The following IGSF9B variants were observed in gnomAD, a reference collection of about 807,000 sequenced individuals.
IGSF9B encodes the protein protein turtle homolog B.
Under a neutral mutation model 143.7 loss-of-function variants are expected in IGSF9B, and 48 were observed. That is an observed-to-expected ratio of 0.33 (90% CI 0.26 to 0.42). IGSF9B has a LOEUF of 0.42. IGSF9B is among the 20% of genes least tolerant of loss of function. The pLI is 1.00. For missense variants in IGSF9B, 1,706 were observed against 1,980.0 expected (o/e 0.86, Z 2.63); for synonymous variants, 903 against 833.1 (o/e 1.08, Z -1.44).
Position 133,922,177 on chromosome 11 carries a change from G to C in IGSF9B, c.2327C>G (p.Pro776Arg). The C allele has an allele frequency of 6.2e-7, 1 of 1,612,906 alleles. No individual in the cohort carries two copies. Among genetic ancestry groups the C allele is most frequent in the Non-Finnish European group, 8.5e-7 (1 of 1,179,264 alleles). Reference sequence around the variant, plus strand: ...TTCTCCCAGGATCTGAGACACTTACGGAGACTCCAGGCTCTTCCTGCAGTG... The same window carrying C: ...TTCTCCCAGGATCTGAGACACTTACCGAGACTCCAGGCTCTTCCTGCAGTG... ...ITHCRKSLES[P>R]LSSGKVSPES... is the part of the protein sequence containing the mutation. Residue 776 changes from proline to arginine, a missense_variant and splice_region_variant, in exon 17 of 20, where the codon CCC becomes CGC. Physicochemically the swap from Pro to Arg is moderately radical, Grantham distance 103. Coordinates refer to ENST00000533871, the MANE Select transcript of IGSF9B (RefSeq NM_001277285.4).
chr11:133,938,014 C>G, intron 3 of IGSF9B, 53 bp from the exon 4 acceptor site: 1 of 1,585,708 alleles, frequency 6.3e-7, no homozygotes, highest in Non-Finnish European at 8.6e-7. Context: ...CATCGCTGCC[C>G]TGCAACAACA....
intron 18 of IGSF9B, among the ~76,000 whole-genome samples, chr11:133,917,039 C>T (rs1217140941): frequency 6.6e-6 from 1 of 152,124 alleles, no homozygotes; most frequent in Non-Finnish European, 1.5e-5. Context: ...TTATGGAGGC[C>T]ACTCTTAGGA....
chr11:133,925,682 G>A (rs904773503), intron 14 of IGSF9B, 57 bp downstream of exon 14: 2 of 1,467,064 alleles, frequency 1.4e-6, no homozygotes, highest in South Asian at 1.2e-5. Context: ...AGTGCCTCTA[G>A]AGTCTTGTCG....
Position 133,909,221 on chromosome 11 carries a change from C to T in IGSF9B, c.4162G>A (p.Glu1388Lys). 4.6e-6 allele frequency: 7 copies of T among 1,535,914 alleles called. No individual in the cohort carries two copies. Among genetic ancestry groups the T allele is most frequent in the Non-Finnish European group, 6.1e-6 (7 of 1,146,736 alleles). Reference sequence around the variant, plus strand: ...TTCTTCTTTCGGAGGCAGACAGCTTCATCGGGCCACAGAACCTGAGAGTTG... The same window carrying T: ...TTCTTCTTTCGGAGGCAGACAGCTTTATCGGGCCACAGAACCTGAGAGTTG... ...LPNSQVLWPD[E>K]AVCLRKKKRH... is the part of the protein sequence containing the mutation. The change falls in exon 20 of 20, where the codon GAA becomes AAA. Residue 1388 changes from glutamate to lysine, a missense_variant. Physicochemically the swap from Glu to Lys is moderately conservative, Grantham distance 56. Coordinates refer to ENST00000533871, the MANE Select transcript of IGSF9B (RefSeq NM_001277285.4). This position sits in a 1 kb window ranked among gnomAD's most constrained non-coding sequence, Gnocchi z 4.2.
In IGSF9B at chr11:133,925,937, C is replaced by A; in HGVS notation, c.1836G>T (p.Leu612=). ...LAFPITTPEP[L]VLVTPPRCLI... ...GGCACCTCGGTGGGGTGACCAGCAC[C>A]AGGGGTTCTGGAGTTGTAATAGGGA... is the stretch of plus-strand genomic sequence containing the variant. Residue 612 remains leucine (L), a synonymous_variant, in exon 14 of 20, where the codon CTG becomes CTT. Transcript: ENST00000533871. 2 of 1,606,576 alleles carry A rather than the reference C, an allele frequency of 1.2e-6. No homozygotes were observed. Among genetic ancestry groups the A allele is most frequent in the Non-Finnish European group, 1.7e-6 (2 of 1,176,480 alleles).
Position 133,931,033 on chromosome 11 carries a change from G to A in IGSF9B, c.1470C>T (p.Ala490=), listed in dbSNP as rs1470713489. 1.2e-6 allele frequency: 2 copies of A among 1,613,542 alleles called. No homozygotes were observed. The highest frequency in any genetic ancestry group is 1.7e-6 in the Non-Finnish European group (2 of 1,179,788). ...KEDHGEWECV[A]TNVVTSITAS... ...CAGTGATGCTCGTGACCACGTTGGTGGCGACACATTCCCACTCCCCGTGGT... is the reference window on the plus strand; with the variant it reads ...CAGTGATGCTCGTGACCACGTTGGTAGCGACACATTCCCACTCCCCGTGGT... The change falls in exon 11 of 20, where the codon GCC becomes GCT. Residue 490 remains alanine, a synonymous_variant. Coordinates refer to ENST00000533871, the MANE Select transcript of IGSF9B (RefSeq NM_001277285.4). This position sits in a 1 kb window ranked among gnomAD's most constrained non-coding sequence, Gnocchi z 7.7.
Position 133,928,768 on chromosome 11 carries a change from G to A in IGSF9B, c.1631+903C>T, listed in dbSNP as rs577738752. 5.3e-5 allele frequency among the ~76,000 whole-genome samples: 8 copies of A among 152,272 alleles called. No individual in the cohort carries two copies. The highest frequency in any genetic ancestry group is 1.0e-4 in the Non-Finnish European group (7 of 68,022). ...TTCCTGTGCCTCCTGCCCTCACCCC[G>A]CTTGGCACATTTTTGAGATCTGTAT... On this transcript the variant is annotated intron_variant, in intron 12 of 19. Coordinates refer to ENST00000533871, the MANE Select transcript of IGSF9B (RefSeq NM_001277285.4). The surrounding 1 kb of genome is among the most constrained non-coding windows in gnomAD (Gnocchi z 4.7).
chr11:133,930,402 A>T (rs911466663), intron 11 of IGSF9B, among the ~76,000 whole-genome samples: 1 of 152,134 alleles, frequency 6.6e-6, no homozygotes, highest in Admixed American at 6.5e-5. Context: ...CAGAACCTAA[A>T]ACTGGTGGTA....
At position 133,932,125 on chromosome 11, in the gene IGSF9B, T is replaced by C; in HGVS notation, c.1056A>G (p.Pro352=). 1 of 1,613,584 alleles carries C rather than the reference T, an allele frequency of 6.2e-7. No individual in the cohort carries two copies. Among genetic ancestry groups the C allele is most frequent in the Non-Finnish European group, 8.5e-7 (1 of 1,179,744 alleles). ...GYIRCPVDAE[P]PATVVKWNKD... ...TGTTCCACTTGACCACGGTGGCCGG[T>C]GGTTCTGCGTCCACAGGGCAGCGGA... The change falls in exon 8 of 20, where the codon CCA becomes CCG. Residue 352 remains proline, a synonymous_variant. Transcript: ENST00000533871.
In IGSF9B at chr11:133,931,193, C is replaced by G; in HGVS notation, c.1369-59G>C. On this transcript the variant is annotated intron_variant, in intron 10 of 19. Coordinates refer to ENST00000533871, the MANE Select transcript of IGSF9B (RefSeq NM_001277285.4). This position sits in a 1 kb window ranked among gnomAD's most constrained non-coding sequence, Gnocchi z 7.7. ...ACAGAAATGGGGGTTAGGAGAGAAGCCCGAAGCAGATGGGGAGGACGCGCC... is the reference window on the plus strand; with the variant it reads ...ACAGAAATGGGGGTTAGGAGAGAAGGCCGAAGCAGATGGGGAGGACGCGCC... 1.3e-6 allele frequency: 2 copies of G among 1,545,526 alleles called. No individual in the cohort carries two copies. Among genetic ancestry groups the G allele is most frequent in the South Asian group, 1.2e-5 (1 of 83,992 alleles).
In IGSF9B at chr11:133,914,547, C is replaced by T. The variant is rs907361337; in HGVS notation, c.3984-2540G>A. 2.0e-5 allele frequency among the ~76,000 whole-genome samples: 3 copies of T among 152,252 alleles called. No individual in the cohort carries two copies. In the East Asian group the frequency reaches 5.8e-4, roughly 29 times the overall value. On this transcript the variant is annotated intron_variant, in intron 18 of 19. Coordinates refer to ENST00000533871, the MANE Select transcript of IGSF9B (RefSeq NM_001277285.4). The stretch of plus-strand genomic sequence containing the variant: ...GCAAAAATTCCCAGACAGTAATGAT[C>T]CAGTGACCAGAAGCAGCCGATTTTC...
intron 18 of IGSF9B, chr11:133,919,077 C>T (rs200886253): frequency 9.3e-6 from 4 of 430,156 alleles, no homozygotes; most frequent in South Asian, 3.1e-5. Flanking sequence ...GGGCTGGTCG[C>T]GGGAGCTGGT....
At chr11:133,941,384 G>A (rs951284558) in intron 3 of IGSF9B, among the ~76,000 whole-genome samples, 6 of 152,202 alleles carry the variant, frequency 3.9e-5, no homozygotes, top group African/African-American at 1.2e-4. Flanking sequence ...AGAAAACACC[G>A]AAGGAAAATG....
chr11:133,945,882 C>T lies in IGSF9B; in HGVS notation c.262+179G>A, dbSNP rs1440063146. On this transcript the variant is annotated intron_variant, in intron 2 of 19. Coordinates refer to ENST00000533871, the MANE Select transcript of IGSF9B (RefSeq NM_001277285.4). The surrounding 1 kb of genome is among the most constrained non-coding windows in gnomAD (Gnocchi z 4.6). Reference sequence around the variant, plus strand: ...AAGGCTTTACCCTGCCCCACCTCCACAGCCCTCTCCTCCCACCGCTTGATT... The same window carrying T: ...AAGGCTTTACCCTGCCCCACCTCCATAGCCCTCTCCTCCCACCGCTTGATT... Among the ~76,000 whole-genome samples, 1 of 152,062 alleles carries T rather than the reference C, an allele frequency of 6.6e-6. No individual in the cohort carries two copies. Among genetic ancestry groups the T allele is most frequent in the African/African-American group, 2.4e-5 (1 of 41,400 alleles).
At chr11:133,941,786 G>C (rs554043242) in intron 3 of IGSF9B, among the ~76,000 whole-genome samples, 28 of 152,222 alleles carry the variant, frequency 1.8e-4, no homozygotes, top group African/African-American at 6.3e-4. Flanking sequence ...CGCTCTCCTC[G>C]CTCTGGGCTT....
chr11:133,931,501 G>T lies in IGSF9B; in HGVS notation c.1320C>A (p.Ile440=), dbSNP rs781475021. The change falls in exon 10 of 20, where the codon ATC becomes ATA. Residue 440 remains isoleucine, a synonymous_variant. Coordinates refer to ENST00000533871, the MANE Select transcript of IGSF9B (RefSeq NM_001277285.4). This position sits in a 1 kb window ranked among gnomAD's most constrained non-coding sequence, Gnocchi z 7.7. ...YRQEAGRELL[I]PCAAAGDPFP... is the part of the protein sequence containing the mutation. ...AGGGGTCCCCTGCGGCAGCACAGGG[G>T]ATAAGTAGCTCCCGGCCGGCCTCCT... is the stretch of plus-strand genomic sequence containing the variant. 81 of 1,613,166 alleles carry T rather than the reference G, an allele frequency of 5.0e-5. No homozygotes were observed. In the Admixed American group the frequency reaches 1.3e-3, roughly 26 times the overall value.
At chr11:133,910,822 T>A (rs1359982942) in intron 19 of IGSF9B, among the ~76,000 whole-genome samples, 1 of 152,210 alleles carries the variant, frequency 6.6e-6, no homozygotes, top group African/African-American at 2.4e-5. Context: ...TATACATATA[T>A]AAAAACTATA....
intron 1 of IGSF9B, among the ~76,000 whole-genome samples, chr11:133,950,703 G>C (rs1039691479): frequency 6.6e-6 from 1 of 152,234 alleles, no homozygotes; most frequent in Non-Finnish European, 1.5e-5. Context: ...CATAGGGTGG[G>C]CCTGTCTCAG....
intron 18 of IGSF9B, among the ~76,000 whole-genome samples, chr11:133,918,881 C>A (rs932850110): frequency 2.0e-5 from 3 of 151,358 alleles, no homozygotes; most frequent in Admixed American, 6.6e-5. Context: ...TCTTCCGAAC[C>A]CAAAGGCGAT....
Sources: gnomAD v4.1 joint callset for allele counts (sites outside exome capture counted in the v4.1 genomes callset) on GRCh38, gnomAD v4.1.1 for gene constraint, Gnocchi (gnomAD v3.1) non-coding constraint, MANE v1.5 for transcripts, NCBI Gene and HGNC (gene_info 2026-07-23, HGNC 2026-07-21) for gene names.